The following TSGA10 variants were observed in gnomAD, a reference collection of about 807,000 sequenced individuals.
TSGA10 encodes testis-specific gene 10 protein.
TSGA10 carries 43 observed loss-of-function variants against 96.6 expected under a neutral mutation model. The ratio of observed to expected loss-of-function variants is 0.44; its 90% CI spans 0.35 to 0.57. The LOEUF (loss-of-function observed/expected upper bound fraction) is 0.57. Ranked by LOEUF, TSGA10 falls within the 20% of genes least tolerant of loss-of-function variation. The probability of loss-of-function intolerance (pLI) is 0.01; values close to 1 mark genes in which losing one functional copy is unlikely to be tolerated. For synonymous variants in TSGA10, 229 were observed against 269.9 expected, an observed-to-expected ratio of 0.85 and a Z score of 1.48; for missense variants, 703 against 834.4, an observed-to-expected ratio of 0.84 and a Z score of 1.94.
rs1553512810 is a variant in TSGA10, at chr2:99,149,177, A to AAG, written c.-621+5515_-621+5516insCT. Among the ~76,000 whole-genome samples the AAG allele has an allele frequency of 2.0e-5, 3 of 151,154 alleles. No homozygotes were observed. The East Asian group carries it at 5.9e-4, about 30-fold the overall frequency. On this transcript the variant is annotated intron_variant, in intron 1 of 20. Transcript: ENST00000393483. ...AGGGTGAAACTCCATCTCAAAAAAA[A>AAG]AAAAAAAATGGGTGAGGGATTTCGA...
intron 1 of TSGA10, 147 bp from the exon 2 acceptor site, chr2:99,127,323 A>T: frequency 1.5e-6 from 1 of 658,398 alleles, no homozygotes; most frequent in Non-Finnish European, 2.1e-6. Context: ...ATCAAACTTT[A>T]CCTTCTTAAA....
At position 99,026,447 on chromosome 2, in the gene TSGA10, T is replaced by A. The variant is rs1276877567; in HGVS notation, c.1615-5965A>T. On this transcript the variant is annotated intron_variant, in intron 17 of 20. Transcript: ENST00000393483. ...TTTTTTTTTTATTTTTGAGATGGAG[T>A]CTCACTCTGCCACCCAGGCTGGAGT... 4.0e-5 allele frequency among the ~76,000 whole-genome samples: 6 copies of A among 150,540 alleles called. No individual in the cohort carries two copies. In the East Asian group the frequency reaches 5.8e-4, roughly 15 times the overall value.
At chr2:99,019,887 G>C (rs374132112) in intron 18 of TSGA10, among the ~76,000 whole-genome samples, 20 of 152,242 alleles carry the variant, frequency 1.3e-4, no homozygotes, top group African/African-American at 4.1e-4. Context: ...GTTCTTCTAG[G>C]TATCCAGTAC....
intron 16 of TSGA10, among the ~76,000 whole-genome samples, chr2:99,054,512 A>G (rs1479746587): frequency 6.6e-6 from 1 of 152,184 alleles, no homozygotes; most frequent in African/African-American, 2.4e-5. Flanking sequence ...GAAAATAGAG[A>G]AATGGGGTTG....
chr2:99,115,098 A>AT (rs1339729401), intron 4 of TSGA10, among the ~76,000 whole-genome samples: 1 of 151,836 alleles, frequency 6.6e-6, no homozygotes, highest in Non-Finnish European at 1.5e-5. Context: ...ACGCCCAGCT[A>AT]TTTTTTTGCA....
chr2:99,128,732 C>A (rs978642244), intron 1 of TSGA10, among the ~76,000 whole-genome samples: 1 of 152,172 alleles, frequency 6.6e-6, no homozygotes. Flanking sequence ...TTACCTCCTA[C>A]TTGATACCTC....
chr2:99,073,099 TA>T (rs199661925), intron 12 of TSGA10, 26 bp from the exon 13 acceptor site: 17,235 of 1,424,276 alleles, frequency 0.012, 131 homozygotes, highest in Middle Eastern at 0.015. Flanking sequence ...AAGTATTAAA[TA>T]AAAAAATCTT....
chr2:99,118,695 G>GAA lies in TSGA10; in HGVS notation c.-491-11_-491-10dup. The GAA allele has an allele frequency of 1.1e-6, 1 of 949,446 alleles. No homozygotes were observed. The highest frequency in any genetic ancestry group is 1.2e-6 in the Non-Finnish European group (1 of 800,646). 58.8% of individuals were successfully genotyped at this position (949,446 alleles called of 1,614,324 possible). A position where few individuals can be genotyped will look rare whatever the true frequency, so the allele number is the denominator to read the frequency against. The stretch of plus-strand genomic sequence containing the variant: ...CAAAGGTATCCAAATGCCTTTAAAG[G>GAA]AAAAAAAAAATTAGACCCATTGAAC... On this transcript the variant is annotated splice_polypyrimidine_tract_variant and intron_variant, in intron 2 of 20. Transcript: ENST00000393483.
intron 20 of TSGA10, among the ~76,000 whole-genome samples, chr2:99,004,860 T>A (rs1182139856): frequency 3.3e-5 from 5 of 152,200 alleles, no homozygotes; most frequent in African/African-American, 1.2e-4. Context: ...TTTAGACCAA[T>A]ATCCTTGATG....
chr2:99,150,464 CTTT>C (rs75507898), intron 1 of TSGA10: 734 of 1,109,254 alleles, frequency 6.6e-4, no homozygotes, highest in South Asian at 1.2e-3. Flanking sequence ...TCACTTGTTA[CTTT>C]TTTTTTTTTT....
intron 2 of TSGA10, among the ~76,000 whole-genome samples, chr2:99,119,662 C>G (rs766659856): frequency 6.6e-6 from 1 of 152,164 alleles, no homozygotes; most frequent in Non-Finnish European, 1.5e-5. Context: ...CTTACCCTAA[C>G]AATCATTAAT....
chr2:99,137,156 C>T (rs558338325), intron 1 of TSGA10, among the ~76,000 whole-genome samples: 1 of 152,184 alleles, frequency 6.6e-6, no homozygotes, highest in South Asian at 2.1e-4. Context: ...TGCCACCATG[C>T]CCAGCTAACT....
intron 12 of TSGA10, among the ~76,000 whole-genome samples, chr2:99,074,685 A>G (rs924026597): frequency 2.0e-5 from 3 of 152,084 alleles, no homozygotes; most frequent in African/African-American, 7.2e-5. Context: ...TTGAGGCCGA[A>G]TGCGGTGGCT....
intron 20 of TSGA10, among the ~76,000 whole-genome samples, chr2:99,001,837 A>G (rs1458160528): frequency 6.6e-6 from 1 of 152,242 alleles, no homozygotes; most frequent in African/African-American, 2.4e-5. Flanking sequence ...TACATGACGC[A>G]TGCACAAGCT....
intron 17 of TSGA10, among the ~76,000 whole-genome samples, chr2:99,033,087 G>T (rs1013449241): frequency 6.6e-6 from 1 of 152,222 alleles, no homozygotes; most frequent in Non-Finnish European, 1.5e-5. Flanking sequence ...GGCAGTGGTT[G>T]CCATGGCTGG....
chr2:99,059,552 T>C (rs2084419181), intron 16 of TSGA10, among the ~76,000 whole-genome samples: 1 of 151,458 alleles, frequency 6.6e-6, no homozygotes, highest in Admixed American at 6.6e-5. Context: ...GGCAGGAGAA[T>C]TGCTTGAACC....
chr2:99,143,471 TC>T (rs2093599307), intron 1 of TSGA10, among the ~76,000 whole-genome samples: 3 of 149,894 alleles, frequency 2.0e-5, no homozygotes, highest in Non-Finnish European at 3.0e-5. Context: ...TTTTTTTTTT[TC>T]CTTTTTTTTA....
intron 10 of TSGA10, among the ~76,000 whole-genome samples, chr2:99,084,394 G>A (rs1182447053): frequency 6.6e-6 from 1 of 152,108 alleles, no homozygotes; most frequent in Non-Finnish European, 1.5e-5. Context: ...GATCTCGCTA[G>A]TTAGTTCACA....
At chr2:99,112,848 G>GT (rs1559055648) in intron 4 of TSGA10, among the ~76,000 whole-genome samples, 1 of 140,838 alleles carries the variant, frequency 7.1e-6, no homozygotes, top group Non-Finnish European at 1.6e-5. Context: ...TAAAGTCTTT[G>GT]TTGTCCCCCA....
Sources: allele counts gnomAD v4.1 joint callset (sites outside exome capture counted in the v4.1 genomes callset), GRCh38; gene constraint gnomAD v4.1.1; transcripts MANE v1.5; gene names NCBI Gene and HGNC (gene_info 2026-07-23, HGNC 2026-07-21).